RGS12: variants seen among roughly 807,000 people sequenced by gnomAD.
RGS12 encodes the protein regulator of G protein signaling 12, also known as regulator of G-protein signaling 12.
RGS12 carries 66 observed loss-of-function variants against 120.1 expected under a neutral mutation model. The observed-to-expected ratio is 0.55, with a 90% CI of 0.45 to 0.67. The LOEUF (loss-of-function observed/expected upper bound fraction) is 0.67. Among genes scored for constraint, RGS12 ranks in the 30% least tolerant of loss-of-function variants. The probability of loss-of-function intolerance (pLI) is 0.00; values close to 1 mark genes in which losing one functional copy is unlikely to be tolerated. For synonymous variants in RGS12, 827 were observed against 804.7 expected (o/e 1.03, Z -0.47); for missense variants, 1,859 against 1,957.7 (o/e 0.95, Z 0.95).
intron 2 of RGS12, among the ~76,000 whole-genome samples, chr4:3,332,520 C>T (rs1347643620): frequency 6.6e-6 from 1 of 152,194 alleles, no homozygotes; most frequent in Non-Finnish European, 1.5e-5. Flanking sequence ...GGTAGGCTTG[C>T]CAGACTTTTA....
chr4:3,363,049 ATG>A (rs371639853), intron 3 of RGS12, among the ~76,000 whole-genome samples: 118 of 134,624 alleles, frequency 8.8e-4, no homozygotes, highest in Non-Finnish European at 1.4e-3. Context: ...GCGAGGGTGT[ATG>A]TGTGTGTGTG....
intron 2 of RGS12, among the ~76,000 whole-genome samples, chr4:3,339,762 A>T (rs1453124004): frequency 6.6e-6 from 1 of 152,116 alleles, no homozygotes; most frequent in Non-Finnish European, 1.5e-5. Flanking sequence ...AGATGTCCTC[A>T]CAGTGTGTTT....
At chr4:3,415,108 G>A (rs1238988966) in intron 6 of RGS12, among the ~76,000 whole-genome samples, 5 of 143,470 alleles carry the variant, frequency 3.5e-5, no homozygotes, top group East Asian at 2.2e-4. Context: ...GAGAGGTCGC[G>A]TGTGAGAGGG....
At chr4:3,342,377 A>G (rs1713323413) in intron 2 of RGS12, 1 of 1,221,998 alleles carries the variant, frequency 8.2e-7, no homozygotes. Flanking sequence ...AATTCTGGTC[A>G]TTTCCTGGAG....
intron 4 of RGS12, among the ~76,000 whole-genome samples, chr4:3,387,196 C>T (rs564594065): frequency 1.2e-4 from 18 of 152,344 alleles, no homozygotes; most frequent in Admixed American, 1.3e-4. Flanking sequence ...CACCTGGCAT[C>T]GCTGTGGGCC....
intron 4 of RGS12, among the ~76,000 whole-genome samples, chr4:3,402,109 G>A (rs1221089566): frequency 6.6e-6 from 1 of 152,220 alleles, no homozygotes; most frequent in Non-Finnish European, 1.5e-5. Flanking sequence ...TGGAAGCCCG[G>A]TTTAGGACAA....
At chr4:3,309,680 GCTGAGGGGAACCGTGCA>G (rs1724229698) in intron 1 of RGS12, among the ~76,000 whole-genome samples, 1 of 48,530 alleles carries the variant, frequency 2.1e-5, no homozygotes, top group Non-Finnish European at 4.1e-5. Flanking sequence ...GCAGGTGTCC[GCTGAGGGGAACCGTGCA>G]GGGGAGGAGC....
At chr4:3,333,279 G>C (rs1350449448) in intron 2 of RGS12, among the ~76,000 whole-genome samples, 1 of 152,170 alleles carries the variant, frequency 6.6e-6, no homozygotes, top group African/African-American at 2.4e-5. Flanking sequence ...TCGATCTCCT[G>C]ACCTCGTGAT....
At chr4:3,438,467 C>T (rs568288501) in intron 17 of RGS12, among the ~76,000 whole-genome samples, 6 of 152,014 alleles carry the variant, frequency 3.9e-5, no homozygotes, top group South Asian at 2.1e-4. Context: ...TCTCCCAGCA[C>T]GGGGGCTTCA....
At chr4:3,438,472 G>T (rs1361989619) in intron 17 of RGS12, among the ~76,000 whole-genome samples, 1 of 152,068 alleles carries the variant, frequency 6.6e-6, no homozygotes, top group Non-Finnish European at 1.5e-5. Context: ...CAGCACGGGG[G>T]CTTCACTGCC....
chr4:3,424,756 C>T (rs1487303236), intron 13 of RGS12, among the ~76,000 whole-genome samples: 1 of 152,214 alleles, frequency 6.6e-6, no homozygotes, highest in Non-Finnish European at 1.5e-5. Flanking sequence ...GTCTCCTGAC[C>T]TCTCCAGTGA....
chr4:3,382,669 T>C (rs1718387788), intron 3 of RGS12, among the ~76,000 whole-genome samples: 1 of 152,226 alleles, frequency 6.6e-6, no homozygotes, highest in African/African-American at 2.4e-5. Flanking sequence ...CCTTATTTTC[T>C]CTGCCCATCC....
intron 4 of RGS12, among the ~76,000 whole-genome samples, chr4:3,396,916 T>G (rs1338043120): frequency 1.5e-5 from 2 of 131,428 alleles, no homozygotes; most frequent in East Asian, 5.0e-4. Context: ...CAATTGGGGT[T>G]TTTTTTTTTT....
intron 2 of RGS12, among the ~76,000 whole-genome samples, chr4:3,336,759 G>A (rs1385601855): frequency 2.0e-5 from 3 of 152,202 alleles, no homozygotes; most frequent in South Asian, 2.1e-4. Flanking sequence ...ATTAAAAAAC[G>A]CAACCCACAG....
At position 3,317,607 on chromosome 4, in the gene RGS12, C is replaced by T; in HGVS notation, c.1437C>T (p.Asp479=). The T allele has an allele frequency of 1.3e-6, 2 of 1,587,030 alleles. No individual in the cohort carries two copies. The highest frequency in any genetic ancestry group is 1.3e-5 in the African/African-American group (1 of 74,340). The change falls in exon 2 of 18, where the codon GAC becomes GAT. Residue 479 remains aspartate (D), a synonymous_variant. Coordinates refer to ENST00000336727, the MANE Select transcript of RGS12 (RefSeq NM_001394154.1). ...CCTGGACTGGGCCCTTCTGTCCGGA[C>T]CCCGAAGGGAGCCCCCCATTTGAGG... ...GAPWTGPFCP[D]PEGSPPFEAA...
In RGS12 at chr4:3,372,510, C is replaced by T. The variant is rs1024401855; in HGVS notation, c.1999-13906C>T. On this transcript the variant is annotated intron_variant, in intron 3 of 17. Transcript: ENST00000336727. This position sits in a 1 kb window ranked among gnomAD's most constrained non-coding sequence, Gnocchi z 4.3. ...GCTTCCCCGATGTTCCCCCTGTGCT[C>T]GAGCTAGGGGTTTGACTTTAGTCCT... Among the ~76,000 whole-genome samples the T allele has an allele frequency of 1.3e-5, 2 of 152,218 alleles. No individual in the cohort carries two copies. Among genetic ancestry groups the T allele is most frequent in the Non-Finnish European group, 2.9e-5 (2 of 68,032 alleles).
At chr4:3,295,619 C>T (rs1723336351) in intron 1 of RGS12, among the ~76,000 whole-genome samples, 1 of 143,840 alleles carries the variant, frequency 7.0e-6, no homozygotes, top group Admixed American at 7.0e-5. Context: ...AAGATTGCGC[C>T]ATTGCACTCC....
At chr4:3,417,605 C>T (rs750431568) in intron 9 of RGS12, 64 bp downstream of exon 9, 50 of 1,563,542 alleles carry the variant, frequency 3.2e-5, no homozygotes, top group Admixed American at 8.8e-5. Context: ...GTCCTGGCGT[C>T]GCTCTGGTGG....
At chr4:3,436,468 A>G (rs1175613577) in intron 17 of RGS12, among the ~76,000 whole-genome samples, 1 of 152,100 alleles carries the variant, frequency 6.6e-6, no homozygotes, top group African/African-American at 2.4e-5. Context: ...GAGGCTGAGC[A>G]AAGTGCCTGG....
Sources: gnomAD v4.1 joint callset for allele counts (sites outside exome capture counted in the v4.1 genomes callset) on GRCh38, gnomAD v4.1.1 for gene constraint, Gnocchi (gnomAD v3.1) non-coding constraint, MANE v1.5 for transcripts, NCBI Gene and HGNC (gene_info 2026-07-23, HGNC 2026-07-21) for gene names.